The following CCDC178 variants were observed in gnomAD, a reference collection of about 807,000 sequenced individuals.
CCDC178 encodes coiled-coil domain-containing protein 178.
Under a neutral mutation model 117.4 loss-of-function variants are expected in CCDC178, and 126 were observed. The ratio of observed to expected loss-of-function variants is 1.07; its 90% CI spans 0.93 to 1.24. CCDC178 has a LOEUF of 1.24. CCDC178 is among the 50% of genes most tolerant of loss of function. The pLI, the probability that CCDC178 is intolerant of heterozygous loss-of-function variation, is 0.00. For synonymous variants in CCDC178, 283 were observed against 313.4 expected (o/e 0.90, Z 1.02); for missense variants, 1,030 against 986.9 (o/e 1.04, Z -0.59).
chr18:33,304,037 G>A (rs2062216196), intron 11 of CCDC178, among the ~76,000 whole-genome samples: 1 of 152,142 alleles, frequency 6.6e-6, no homozygotes, highest in African/African-American at 2.4e-5. Flanking sequence ...TCAGTCATCA[G>A]CTAGGAATAG....
intron 11 of CCDC178, among the ~76,000 whole-genome samples, chr18:33,300,996 A>G (rs1020047263): frequency 2.6e-5 from 4 of 152,220 alleles, no homozygotes; most frequent in Non-Finnish European, 5.9e-5. Context: ...TCAAGGCATT[A>G]CAGAGATCAC....
chr18:33,005,447 G>A (rs958482404), intron 21 of CCDC178, among the ~76,000 whole-genome samples: 2 of 151,884 alleles, frequency 1.3e-5, no homozygotes, highest in Non-Finnish European at 2.9e-5. Context: ...TCAGAATGAT[G>A]GTTACCAAAG....
chr18:33,087,488 G>T (rs1369487470), intron 21 of CCDC178, among the ~76,000 whole-genome samples: 2 of 152,040 alleles, frequency 1.3e-5, no homozygotes, highest in Admixed American at 6.6e-5. Flanking sequence ...AGTCTATAAA[G>T]TGTGATAATG....
chr18:33,171,595 G>A (rs1345735522), intron 20 of CCDC178, among the ~76,000 whole-genome samples: 1 of 152,212 alleles, frequency 6.6e-6, no homozygotes, highest in Non-Finnish European at 1.5e-5. Context: ...GCTATAGAGA[G>A]TGTGTTTTTG....
At chr18:33,352,590 G>T (rs549399595) in intron 7 of CCDC178, among the ~76,000 whole-genome samples, 2 of 149,158 alleles carry the variant, frequency 1.3e-5, no homozygotes, top group Admixed American at 6.7e-5. Context: ...GCTGCATTTC[G>T]TAAGTTTAAA....
At chr18:33,148,146 G>C (rs2058294266) in intron 20 of CCDC178, among the ~76,000 whole-genome samples, 1 of 152,234 alleles carries the variant, frequency 6.6e-6, no homozygotes, top group Admixed American at 6.5e-5. Context: ...TGAGCACTGA[G>C]TGAGTGAGAC....
At chr18:33,345,665 C>A (rs1456938115) in intron 9 of CCDC178, among the ~76,000 whole-genome samples, 1 of 152,104 alleles carries the variant, frequency 6.6e-6, no homozygotes, top group Non-Finnish European at 1.5e-5. Flanking sequence ...AGGATATATG[C>A]CAAATGTTTG....
chr18:33,392,317 G>A (rs1200907166), intron 4 of CCDC178, among the ~76,000 whole-genome samples: 2 of 152,096 alleles, frequency 1.3e-5, no homozygotes, highest in Middle Eastern at 3.2e-3. Context: ...CTTCAGTCCC[G>A]GTCCCTAATC....
chr18:33,142,098 A>G lies in CCDC178; in HGVS notation c.2239-49188T>C, dbSNP rs150613400. On this transcript the variant is annotated intron_variant, in intron 20 of 22. Coordinates refer to ENST00000383096, the MANE Select transcript of CCDC178 (RefSeq NM_001105528.4). ...GGTGTTTGGGTATTTGCAGCTGAAC[A>G]CGACTGTAATCAAGACAAAAGTGGA... Among the ~76,000 whole-genome samples, 17 of 152,338 alleles carry G rather than the reference A, an allele frequency of 1.1e-4. No homozygotes were observed. The East Asian group carries it at 3.1e-3, about 28-fold the overall frequency.
At chr18:33,282,824 C>A (rs1442757098) in intron 12 of CCDC178, among the ~76,000 whole-genome samples, 1 of 152,170 alleles carries the variant, frequency 6.6e-6, no homozygotes, top group Non-Finnish European at 1.5e-5. Flanking sequence ...AAGCCCGGCT[C>A]CCCGCTAGTG....
intron 12 of CCDC178, among the ~76,000 whole-genome samples, chr18:33,291,959 G>T (rs990234361): frequency 6.6e-6 from 1 of 151,136 alleles, no homozygotes; most frequent in Non-Finnish European, 1.5e-5. Flanking sequence ...AAACGTTGTT[G>T]TTGGGACTAT....
intron 21 of CCDC178, among the ~76,000 whole-genome samples, chr18:33,025,244 T>G (rs978766019): frequency 6.6e-6 from 1 of 151,962 alleles, no homozygotes; most frequent in African/African-American, 2.4e-5. Flanking sequence ...TGCAGAAAAA[T>G]TATTCGACAA....
rs79102831 is a variant in CCDC178 at position 33,242,666 on chromosome 18, A to T, written c.1593+2579T>A. On this transcript the variant is annotated intron_variant, in intron 15 of 22. Transcript: ENST00000383096. ...ACAAATACAAGAAAAAAAGTTCAAC[A>T]TTACTAATTACCAGATAAATGCAAA... Among the ~76,000 whole-genome samples, 19 of 152,096 alleles carry T rather than the reference A, an allele frequency of 1.2e-4. No homozygotes were observed. In the East Asian group the frequency reaches 3.7e-3, roughly 29 times the overall value.
intron 20 of CCDC178, among the ~76,000 whole-genome samples, chr18:33,185,634 C>G (rs996841580): frequency 6.6e-6 from 1 of 151,722 alleles, no homozygotes; most frequent in Non-Finnish European, 1.5e-5. Context: ...TCGCAGTAAA[C>G]AAATATAGAA....
intron 7 of CCDC178, among the ~76,000 whole-genome samples, chr18:33,356,015 C>T (rs1029513880): frequency 1.3e-5 from 2 of 152,148 alleles, no homozygotes; most frequent in African/African-American, 4.8e-5. Flanking sequence ...CTTCCTTCTT[C>T]ATTGAATTTT....
intron 21 of CCDC178, among the ~76,000 whole-genome samples, chr18:32,977,733 G>C (rs2055057052): frequency 6.6e-6 from 1 of 152,058 alleles, no homozygotes; most frequent in Non-Finnish European, 1.5e-5. Flanking sequence ...ATTTTCTCTA[G>C]TATTTTTCTT....
chr18:33,235,618 C>A (rs1202951699), intron 15 of CCDC178, among the ~76,000 whole-genome samples: 1 of 152,084 alleles, frequency 6.6e-6, no homozygotes, highest in African/African-American at 2.4e-5. Context: ...TGATTCTAAC[C>A]TGGAACCAGA....
At chr18:33,438,520 C>CACACACACACACACACACGGCAA (rs1352015274) in intron 2 of CCDC178, among the ~76,000 whole-genome samples, 2 of 144,774 alleles carry the variant, frequency 1.4e-5, no homozygotes, top group Non-Finnish European at 3.0e-5. Context: ...ATACGGCATA[C>CACACACACACACACACACGGCAA]ACACACACAC....
intron 22 of CCDC178, among the ~76,000 whole-genome samples, chr18:32,947,361 C>A (rs2054380274): frequency 6.6e-6 from 1 of 152,180 alleles, no homozygotes; most frequent in Admixed American, 6.5e-5. Flanking sequence ...TCCTAGCCAA[C>A]TTTTAATATG....
Sources: allele counts gnomAD v4.1 joint callset (sites outside exome capture counted in the v4.1 genomes callset), GRCh38; gene constraint gnomAD v4.1.1; transcripts MANE v1.5; gene names NCBI Gene and HGNC (gene_info 2026-07-23, HGNC 2026-07-21).